Variants in SPATA31D1 observed in about 807,000 individuals in gnomAD.
SPATA31D1 encodes the protein SPATA31 subfamily D member 1, also known as spermatogenesis-associated protein 31D1.
SPATA31D1 carries 6 observed loss-of-function variants against 13.2 expected under a neutral mutation model. The observed-to-expected ratio is 0.46, with a 90% confidence interval of 0.25 to 0.90. The LOEUF (loss-of-function observed/expected upper bound fraction) is 0.90. SPATA31D1 is among the 40% of genes least tolerant of loss of function. The pLI is 0.18. For missense variants in SPATA31D1, 2,445 were observed against 1,884.7 expected (o/e 1.30, Z -5.50); for synonymous variants, 903 against 718.8 (o/e 1.26, Z -4.10).
At position 81,992,726 on chromosome 9, in the gene SPATA31D1, C is replaced by T. The variant is rs749265620; in HGVS notation, c.2256C>T (p.Phe752=). 5 of 1,613,684 alleles carry T rather than the reference C, an allele frequency of 3.1e-6. No homozygotes were observed. The highest frequency in any genetic ancestry group is 4.2e-6 in the Non-Finnish European group (5 of 1,179,718). Residue 752 remains phenylalanine, a synonymous_variant, in exon 4 of 4, where the codon TTC becomes TTT. Coordinates refer to ENST00000344803, the MANE Select transcript of SPATA31D1 (RefSeq NM_001001670.3). The stretch of plus-strand genomic sequence containing the variant: ...TTCTAAAGAAGTCCGCATCAAGCTT[C>T]CCTAGAAGCTTCCACGAGAGGAGCT... ...CNVLKKSASS[F]PRSFHERSSN...
At chr9:81,989,428 G>A (rs563575641) in intron 1 of SPATA31D1, among the ~76,000 whole-genome samples, 1 of 152,270 alleles carries the variant, frequency 6.6e-6, no homozygotes, top group South Asian at 2.1e-4. Flanking sequence ...GAGTAATGCT[G>A]AGAGTCTCTG....
chr9:81,994,075 A>G lies in SPATA31D1; in HGVS notation c.3605A>G (p.Asn1202Ser), dbSNP rs1825042022. 2 of 1,613,870 alleles carry G rather than the reference A, an allele frequency of 1.2e-6. No homozygotes were observed. The highest frequency in any genetic ancestry group is 1.7e-6 in the Non-Finnish European group (2 of 1,179,786). ...GATCCTAAATCATCATACCTTAAAAATCAGATGTTGAGCCAGTTAAAGTTG... is the reference window on the plus strand; with the variant it reads ...GATCCTAAATCATCATACCTTAAAAGTCAGATGTTGAGCCAGTTAAAGTTG... ...PQDPKSSYLKNQMLSQLKLVQ... is the reference protein window; with the variant it reads ...PQDPKSSYLKSQMLSQLKLVQ... The change falls in exon 4 of 4, where the codon AAT (asparagine) becomes AGT (serine). Residue 1202 changes from asparagine to serine, a missense_variant. Transcript: ENST00000344803.
rs772197868 is a variant in SPATA31D1 at position 81,994,548 on chromosome 9, T to A, written c.4078T>A (p.Trp1360Arg). The A allele has an allele frequency of 5.6e-6, 9 of 1,613,414 alleles. No individual in the cohort carries two copies. The highest frequency in any genetic ancestry group is 7.6e-6 in the Non-Finnish European group (9 of 1,179,628). The change falls in exon 4 of 4, where the codon TGG becomes AGG. Residue 1360 changes from tryptophan to arginine, a missense_variant. Transcript: ENST00000344803. ...FRKWMKTSLQ[W>R]FNKPSISYEE... ...AAAATGGATGAAGACCTCTTTGCAG[T>A]GGTTTAATAAACCCAGCATATCATA...
chr9:81,995,064 C>T lies in SPATA31D1; in HGVS notation c.4594C>T (p.Arg1532Trp), dbSNP rs377690837. The change falls in exon 4 of 4, where the codon CGG becomes TGG. Residue 1532 changes from arginine to tryptophan, a missense_variant. Coordinates refer to ENST00000344803, the MANE Select transcript of SPATA31D1 (RefSeq NM_001001670.3). The part of the protein sequence containing the change: ...KPVPHPNPTC[R>W]RQVSLVCPAV... ...TGTGCCACATCCAAACCCCACTTGC[C>T]GGCGTCAGGTCAGCCTGGTGTGTCC... is the stretch of plus-strand genomic sequence containing the variant. 30 of 1,613,164 alleles carry T rather than the reference C, an allele frequency of 1.9e-5. No homozygotes were observed. Among genetic ancestry groups the T allele is most frequent in the Middle Eastern group, 1.6e-4 (1 of 6,082 alleles).
intron 1 of SPATA31D1, among the ~76,000 whole-genome samples, chr9:81,989,432 G>A (rs936120694): frequency 6.6e-6 from 1 of 152,174 alleles, no homozygotes; most frequent in Non-Finnish European, 1.5e-5. Context: ...AATGCTGAGA[G>A]TCTCTGAGCA....
chr9:81,994,506 C>T lies in SPATA31D1; in HGVS notation c.4036C>T (p.Pro1346Ser), dbSNP rs762446872. Residue 1346 changes from proline (P) to serine (S), a missense_variant, in exon 4 of 4, where the codon CCT (proline) becomes TCT (serine). Physicochemically the swap from Pro to Ser is moderately conservative, Grantham distance 74 (BLOSUM62 -1). Coordinates refer to ENST00000344803, the MANE Select transcript of SPATA31D1 (RefSeq NM_001001670.3). ...SSPTLKTQPP[P>S]ENLFRKWMKT... ...CCCAACCTTGAAAACACAGCCTCCTCCTGAAAACCTTTTCAGAAAATGGAT... is the reference window on the plus strand; with the variant it reads ...CCCAACCTTGAAAACACAGCCTCCTTCTGAAAACCTTTTCAGAAAATGGAT... 5.0e-6 allele frequency: 8 copies of T among 1,613,478 alleles called. No individual in the cohort carries two copies. The highest frequency in any genetic ancestry group is 6.8e-6 in the Non-Finnish European group (8 of 1,179,654).
Position 81,988,981 on chromosome 9 carries a change from GA to G in SPATA31D1, c.170del (p.Asn57IlefsTer43), listed in dbSNP as rs1824900836. On this transcript the variant is annotated frameshift_variant, in exon 1 of 4. Transcript: ENST00000344803. LOFTEE classifies it high-confidence loss of function. ...VVLTLYSSPTEKNNDIQKHQG... is the reference protein window; with the variant it reads ...VVLTLYSSPTXKNNDIQKHQG... ...ATTGACCCTGTATTCGTCACCCACC[GA>G]AAAAAATAATGACATCCAAAAGGTA... 6.2e-7 allele frequency: 1 copy of G among 1,611,204 alleles called. No individual in the cohort carries two copies. The highest frequency in any genetic ancestry group is 8.5e-7 in the Non-Finnish European group (1 of 1,179,520).
At chr9:81,988,589 A>T (rs1390013982), upstream of SPATA31D1, among the ~76,000 whole-genome samples, 1 of 152,130 alleles carries the variant, frequency 6.6e-6, no homozygotes, top group Non-Finnish European at 1.5e-5. Flanking sequence ...ATGAAAAGGG[A>T]TGGAGTTGGG....
rs200253689 is a variant in SPATA31D1 at position 81,991,242 on chromosome 9, T to G, written c.772T>G (p.Ser258Ala). The G allele has an allele frequency of 6.3e-7, 1 of 1,577,678 alleles. No individual in the cohort carries two copies. Among genetic ancestry groups the G allele is most frequent in the South Asian group, 1.1e-5 (1 of 90,148 alleles). Reference protein sequence around the residue: ...LPPHHIERVESSLQPEASLSL... With the variant: ...LPPHHIERVEASLQPEASLSL... ...ACCACATCACATTGAGAGAGTGGAG[T>G]CCAGCCTCCAACCTGAAGCCAGTTT... The change falls in exon 4 of 4, where the codon TCC (serine) becomes GCC (alanine). Residue 258 changes from serine (S) to alanine (A), a missense_variant. Ser to Ala is a moderately conservative substitution (Grantham distance 99). Coordinates refer to ENST00000344803, the MANE Select transcript of SPATA31D1 (RefSeq NM_001001670.3).
chr9:81,988,027 G>T (rs533905949), upstream of SPATA31D1, among the ~76,000 whole-genome samples: 1 of 152,140 alleles, frequency 6.6e-6, no homozygotes, highest in Non-Finnish European at 1.5e-5. Flanking sequence ...ACAGACCTCC[G>T]CTTTCCTTCC....
rs200547091 is a variant in SPATA31D1, at chr9:81,992,249, T to C, written c.1779T>C (p.Pro593=). The part of the protein sequence containing the change: ...QPQSPFRALL[P]SPLFLIRICG... ...AATCTCCATTCCGAGCCCTACTACC[T>C]AGTCCTCTATTCCTGATTAGGATCT... Residue 593 remains proline, a synonymous_variant, in exon 4 of 4, where the codon CCT becomes CCC. Coordinates refer to ENST00000344803, the MANE Select transcript of SPATA31D1 (RefSeq NM_001001670.3). 5 of 1,613,786 alleles carry C rather than the reference T, an allele frequency of 3.1e-6. No individual in the cohort carries two copies. The highest frequency in any genetic ancestry group is 1.7e-6 in the Non-Finnish European group (2 of 1,179,722).
Position 81,995,199 on chromosome 9 carries a change from T to C in SPATA31D1, c.4729T>C (p.Ter1577GlnextTer5). ...LQGGKFPPTK* is the reference protein window; with the variant it reads ...LQGGKFPPTKQ ...GGGAGGAAAATTTCCCCCCACAAAA[T>C]AATTCACTCCTTGTTGAGAATCTTG... The change falls in exon 4 of 4, where the codon TAA (stop) becomes CAA (glutamine). Residue 1577 changes from the stop codon to glutamine, a stop_lost. Transcript: ENST00000344803. 3 of 1,515,042 alleles carry C rather than the reference T, an allele frequency of 2.0e-6. No homozygotes were observed. Among genetic ancestry groups the C allele is most frequent in the Non-Finnish European group, 2.7e-6 (3 of 1,131,350 alleles). 93.8% of individuals were successfully genotyped at this position (1,515,042 alleles called of 1,614,324 possible).
At chr9:81,987,433 A>G (rs1465122441), upstream of SPATA31D1, among the ~76,000 whole-genome samples, 1 of 152,160 alleles carries the variant, frequency 6.6e-6, no homozygotes, top group Non-Finnish European at 1.5e-5. Context: ...ATTGGAGTGT[A>G]TATTCAGGGG....
Position 81,993,019 on chromosome 9 carries a change from T to A in SPATA31D1, c.2549T>A (p.Val850Glu). 1 of 1,613,802 alleles carries A rather than the reference T, an allele frequency of 6.2e-7. No homozygotes were observed. The highest frequency in any genetic ancestry group is 8.5e-7 in the Non-Finnish European group (1 of 1,179,736). The change falls in exon 4 of 4, where the codon GTG becomes GAG. Residue 850 changes from valine to glutamate, a missense_variant. Val to Glu is a moderately radical substitution (Grantham distance 121). Coordinates refer to ENST00000344803, the MANE Select transcript of SPATA31D1 (RefSeq NM_001001670.3). ...AATGAGGGTCGAATGCCTGGGACTG[T>A]GCATAGTTCATGGCACTCAGTCAAG... ...EINEGRMPGT[V>E]HSSWHSVKQT...
rs1349362251 is a variant in SPATA31D1, at chr9:81,991,018, A to G, written c.548A>G (p.Asp183Gly). ...ASTPSATPPE[D>G]LILSPRPKAS... ...ACCCCCTCAGCAACCCCTCCAGAAG[A>G]CCTAATACTGTCCCCTCGGCCTAAG... Residue 183 changes from aspartate to glycine, a missense_variant, in exon 4 of 4, where the codon GAC (aspartate) becomes GGC (glycine). Coordinates refer to ENST00000344803, the MANE Select transcript of SPATA31D1 (RefSeq NM_001001670.3). 1.9e-6 allele frequency: 3 copies of G among 1,613,526 alleles called. No individual in the cohort carries two copies. The Admixed American group carries it at 5.0e-5, about 27-fold the overall frequency.
At chr9:81,990,053 G>T (rs967468617) in intron 2 of SPATA31D1, 37 of 547,404 alleles carry the variant, frequency 6.8e-5, no homozygotes, top group Non-Finnish European at 1.1e-4. Context: ...AATGGGTGTT[G>T]CCCAATTGGT....
In SPATA31D1 at chr9:81,994,164, T is replaced by C; in HGVS notation, c.3694T>C (p.Leu1232=). The stretch of plus-strand genomic sequence containing the variant: ...TGACATGTCTTTTGCCTTAGATAAC[T>C]TGAGTTCCAAGGACTTACTGACTAA... ...FTDMSFALDN[L]SSKDLLTNSQ... is the part of the protein sequence containing the mutation. The change falls in exon 4 of 4, where the codon TTG becomes CTG. Residue 1232 remains leucine (L), a synonymous_variant. Coordinates refer to ENST00000344803, the MANE Select transcript of SPATA31D1 (RefSeq NM_001001670.3). The C allele has an allele frequency of 6.2e-7, 1 of 1,614,038 alleles. No homozygotes were observed. The highest frequency in any genetic ancestry group is 8.5e-7 in the Non-Finnish European group (1 of 1,179,894).
upstream of SPATA31D1, chr9:81,988,656 G>C: frequency 9.0e-7 from 1 of 1,115,860 alleles, no homozygotes; most frequent in Non-Finnish European, 1.3e-6. Flanking sequence ...AGTCAGCTGG[G>C]CTGGTGGGGT....
At position 81,992,896 on chromosome 9, in the gene SPATA31D1, T is replaced by C. The variant is rs1338944226; in HGVS notation, c.2426T>C (p.Met809Thr). Residue 809 changes from methionine to threonine, a missense_variant, in exon 4 of 4, where the codon ATG (methionine) becomes ACG (threonine). Physicochemically the swap from Met to Thr is moderately conservative, Grantham distance 81. Coordinates refer to ENST00000344803, the MANE Select transcript of SPATA31D1 (RefSeq NM_001001670.3). ...SNSERDLETH[M>T]MHLSGNDSGV... ...TCTGAGAGAGACCTAGAAACTCATA[T>C]GATGCATCTGTCAGGGAATGACTCA... 1 of 1,613,800 alleles carries C rather than the reference T, an allele frequency of 6.2e-7. No individual in the cohort carries two copies. The highest frequency in any genetic ancestry group is 2.2e-5 in the East Asian group (1 of 44,874).
Sources: gnomAD v4.1 joint callset for allele counts (sites outside exome capture counted in the v4.1 genomes callset) on GRCh38, gnomAD v4.1.1 for gene constraint, MANE v1.5 for transcripts, NCBI Gene and HGNC (gene_info 2026-07-23, HGNC 2026-07-21) for gene names.